Variants in CNTNAP4 observed in about 807,000 individuals in gnomAD.
CNTNAP4 encodes the protein contactin-associated protein-like 4.
In CNTNAP4, 98 loss-of-function variants were observed where a neutral mutation model predicts 148.4. The ratio of observed to expected loss-of-function variants is 0.66; its 90% CI spans 0.56 to 0.78. The LOEUF is 0.78. Among genes scored for constraint, CNTNAP4 ranks in the 30% least tolerant of loss-of-function variants. CNTNAP4 has a pLI of 0.00. For synonymous variants in CNTNAP4, 730 were observed against 565.1 expected (o/e 1.29, Z -4.14); for missense variants, 1,935 against 1,565.6 (o/e 1.24, Z -3.98).
intron 1 of CNTNAP4, among the ~76,000 whole-genome samples, chr16:76,281,322 T>C (rs1958679694): frequency 6.6e-6 from 1 of 152,108 alleles, no homozygotes; most frequent in South Asian, 2.1e-4. Context: ...AATGCATAAA[T>C]GGCTAGCCCC....
chr16:76,534,923 A>G (rs1290839996), intron 17 of CNTNAP4, among the ~76,000 whole-genome samples: 1 of 152,168 alleles, frequency 6.6e-6, no homozygotes, highest in Admixed American at 6.5e-5. Flanking sequence ...TTCTGTATCG[A>G]TCCCCTTTTG....
At chr16:76,301,682 A>T (rs1959985501) in intron 1 of CNTNAP4, among the ~76,000 whole-genome samples, 1 of 152,092 alleles carries the variant, frequency 6.6e-6, no homozygotes, top group Non-Finnish European at 1.5e-5. Context: ...ACTGTGACAA[A>T]GGTTTTGCAA....
intron 17 of CNTNAP4, among the ~76,000 whole-genome samples, chr16:76,530,826 C>T (rs1038887196): frequency 6.6e-6 from 1 of 152,218 alleles, no homozygotes; most frequent in Non-Finnish European, 1.5e-5. Context: ...AGATTCCCTA[C>T]CTTCTATGTT....
intron 4 of CNTNAP4, among the ~76,000 whole-genome samples, chr16:76,434,407 A>G (rs375756230): frequency 1.2e-4 from 19 of 152,200 alleles, no homozygotes; most frequent in African/African-American, 4.1e-4. Context: ...TGCCAAGTCA[A>G]TGGCTGCACA....
intron 4 of CNTNAP4, among the ~76,000 whole-genome samples, chr16:76,432,268 T>C (rs1432639189): frequency 6.6e-6 from 1 of 152,176 alleles, no homozygotes; most frequent in Non-Finnish European, 1.5e-5. Flanking sequence ...AAAATGGCTA[T>C]TGTGAAAACC....
chr16:76,534,327 C>G (rs1480355894), intron 17 of CNTNAP4, among the ~76,000 whole-genome samples: 1 of 152,064 alleles, frequency 6.6e-6, no homozygotes, highest in Non-Finnish European at 1.5e-5. Context: ...AAGGAGCTAC[C>G]TAAATGATTT....
In CNTNAP4 at chr16:76,277,623, G is replaced by T; in HGVS notation, c.-40G>T. 2 of 1,433,962 alleles carry T rather than the reference G, an allele frequency of 1.4e-6. No individual in the cohort carries two copies. Among genetic ancestry groups the T allele is most frequent in the Non-Finnish European group, 1.9e-6 (2 of 1,031,948 alleles). 88.8% of individuals were successfully genotyped at this position (1,433,962 alleles called of 1,614,324 possible). ...AGAAGAGGACTGGAGCGCTCTGAGAGCCTCTCAAGATCTTTTGGGGGAGCC... is the reference window on the plus strand; with the variant it reads ...AGAAGAGGACTGGAGCGCTCTGAGATCCTCTCAAGATCTTTTGGGGGAGCC... On this transcript the variant is annotated 5_prime_UTR_variant, in exon 1 of 24. Transcript: ENST00000611870.
chr16:76,293,297 G>T (rs1056826959), intron 1 of CNTNAP4, among the ~76,000 whole-genome samples: 1 of 151,996 alleles, frequency 6.6e-6, no homozygotes, highest in Non-Finnish European at 1.5e-5. Context: ...GCTAATTTTT[G>T]TATGTTTAGT....
At chr16:76,502,733 A>G (rs908273740) in intron 15 of CNTNAP4, among the ~76,000 whole-genome samples, 1 of 152,100 alleles carries the variant, frequency 6.6e-6, no homozygotes, top group Non-Finnish European at 1.5e-5. Flanking sequence ...AGCCTTGGGG[A>G]TGATCTCCAG....
chr16:76,552,251 C>T (rs745456180), intron 21 of CNTNAP4, among the ~76,000 whole-genome samples: 4 of 152,174 alleles, frequency 2.6e-5, no homozygotes, highest in African/African-American at 4.8e-5. Context: ...GATCCAATCA[C>T]CTCCCACAGG....
chr16:76,298,862 T>C (rs1455233307), intron 1 of CNTNAP4, among the ~76,000 whole-genome samples: 1 of 151,960 alleles, frequency 6.6e-6, no homozygotes, highest in Non-Finnish European at 1.5e-5. Context: ...GTGAGTTGGG[T>C]GGGGGCAGGT....
intron 1 of CNTNAP4, among the ~76,000 whole-genome samples, chr16:76,291,637 G>A (rs918488002): frequency 6.6e-5 from 10 of 152,094 alleles, no homozygotes; most frequent in South Asian, 2.1e-4. Flanking sequence ...TTCCCACTTC[G>A]TAATCAGTAA....
At chr16:76,401,748 TGAAAG>T (rs2078425623) in intron 3 of CNTNAP4, among the ~76,000 whole-genome samples, 1 of 152,206 alleles carries the variant, frequency 6.6e-6, no homozygotes, top group African/African-American at 2.4e-5. Context: ...TTTTTTAACT[TGAAAG>T]GATGTTGAAT....
chr16:76,560,154 A>G lies in CNTNAP4; in HGVS notation c.*1471A>G, dbSNP rs965264629. On this transcript the variant is annotated 3_prime_UTR_variant, in exon 24 of 24. Coordinates refer to ENST00000611870, the MANE Select transcript of CNTNAP4 (RefSeq NM_033401.5). The stretch of plus-strand genomic sequence containing the variant: ...GCCAATCATACAATAAAGGCACTCT[A>G]TTATACATACTCACACCTTCAAGTG... 6.6e-6 allele frequency among the ~76,000 whole-genome samples: 1 copy of G among 152,194 alleles called. No individual in the cohort carries two copies. Among genetic ancestry groups the G allele is most frequent in the Non-Finnish European group, 1.5e-5 (1 of 68,018 alleles).
At chr16:76,546,811 G>A (rs773533036) in intron 21 of CNTNAP4, among the ~76,000 whole-genome samples, 8 of 152,124 alleles carry the variant, frequency 5.3e-5, no homozygotes, top group Non-Finnish European at 7.4e-5. Flanking sequence ...AAATTTGAAT[G>A]CTACCAGCAT....
chr16:76,483,231 A>AACAC (rs59206208), intron 12 of CNTNAP4, among the ~76,000 whole-genome samples: 15,356 of 139,924 alleles, frequency 0.11, 954 homozygotes, highest in Non-Finnish European at 0.14. Context: ...AGTTTTAAGA[A>AACAC]ACACACACAC....
intron 3 of CNTNAP4, among the ~76,000 whole-genome samples, chr16:76,420,137 C>A (rs1568094034): frequency 1.1e-5 from 1 of 87,000 alleles, no homozygotes; most frequent in Non-Finnish European, 3.1e-5. Context: ...CAGTGTTTCA[C>A]TCTGAGATGG....
chr16:76,398,026 C>G (rs1160907504), intron 3 of CNTNAP4, among the ~76,000 whole-genome samples: 2 of 126,280 alleles, frequency 1.6e-5, no homozygotes, highest in Non-Finnish European at 3.3e-5. Context: ...AGTATTGACT[C>G]ACACAATCAT....
intron 2 of CNTNAP4, among the ~76,000 whole-genome samples, chr16:76,325,947 TTCTC>T (rs1447542558): frequency 1.1e-4 from 17 of 152,210 alleles, no homozygotes; most frequent in Admixed American, 1.1e-3. Context: ...ATTAAAATAT[TTCTC>T]TACCTGTAAG....
Sources: allele counts gnomAD v4.1 joint callset (sites outside exome capture counted in the v4.1 genomes callset), GRCh38; gene constraint gnomAD v4.1.1; transcripts MANE v1.5; gene names NCBI Gene and HGNC (gene_info 2026-07-23, HGNC 2026-07-21).